Variants in GAS2 observed in about 807,000 individuals in gnomAD.
GAS2 encodes the protein growth arrest-specific protein 2.
GAS2 carries 20 observed loss-of-function variants against 37.5 expected under a neutral mutation model. The ratio of observed to expected loss-of-function variants is 0.53; its 90% CI spans 0.37 to 0.77. The LOEUF (loss-of-function observed/expected upper bound fraction) is 0.77. GAS2 is among the 30% of genes least tolerant of loss of function. The pLI is 0.00. For missense variants in GAS2, 336 were observed against 373.4 expected, an observed-to-expected ratio of 0.90 and a Z score of 0.82; for synonymous variants, 144 against 132.2, an observed-to-expected ratio of 1.09 and a Z score of -0.61.
intron 3 of GAS2, among the ~76,000 whole-genome samples, chr11:22,693,325 G>T (rs1285400186): frequency 6.6e-6 from 1 of 152,144 alleles, no homozygotes; most frequent in African/African-American, 2.4e-5. Context: ...CCAGGATATT[G>T]AGTGATAACA....
chr11:22,717,168 CA>C (rs1565106298), intron 3 of GAS2, among the ~76,000 whole-genome samples: 3 of 151,754 alleles, frequency 2.0e-5, no homozygotes, highest in Non-Finnish European at 4.4e-5. Context: ...CATATGGGAC[CA>C]AAAAAGAGCC....
At chr11:22,723,002 T>C (rs1852019106) in intron 3 of GAS2, among the ~76,000 whole-genome samples, 1 of 151,866 alleles carries the variant, frequency 6.6e-6, no homozygotes. Context: ...TTTAAATTCT[T>C]GATAAGCAGA....
chr11:22,659,208 A>C (rs1322672789), intron 1 of GAS2, among the ~76,000 whole-genome samples: 1 of 152,182 alleles, frequency 6.6e-6, no homozygotes, highest in Admixed American at 6.5e-5. Flanking sequence ...GGTAGGGAAG[A>C]TCTTTTACTA....
In GAS2 at chr11:22,768,673, A is replaced by G. The variant is rs79547715; in HGVS notation, c.723+12720A>G. On this transcript the variant is annotated intron_variant, in intron 7 of 7. Transcript: ENST00000454584. ...GCTAAACCAAACTATCCAATGTTTT[A>G]TTATTTCCTTTTCTCAGAAACTCAT... Among the ~76,000 whole-genome samples the G allele has an allele frequency of 8.1e-3, 1,238 of 152,228 alleles. 16 individuals are homozygous for G. Among genetic ancestry groups the G allele is most frequent in the East Asian group, 0.062 (319 of 5,180 alleles).
chr11:22,652,527 C>T (rs1366326853), intron 1 of GAS2, among the ~76,000 whole-genome samples: 2 of 152,246 alleles, frequency 1.3e-5, no homozygotes, highest in Non-Finnish European at 2.9e-5. Flanking sequence ...AGCCTGGCTG[C>T]CGCCTTGCAG....
chr11:22,638,603 C>T (rs528667943), intron 1 of GAS2, among the ~76,000 whole-genome samples: 24 of 152,228 alleles, frequency 1.6e-4, no homozygotes, highest in African/African-American at 5.3e-4. Flanking sequence ...GCCTCAGCCT[C>T]TCAAAGTGCT....
chr11:22,797,477 G>A lies in GAS2; in HGVS notation c.724-14321G>A, dbSNP rs187204557. ...TGGGAGATTGGTTCTCAACATCTAG[G>A]GCACTATAGTAGTTCACCCTTCAAA... On this transcript the variant is annotated intron_variant, in intron 7 of 7. Transcript: ENST00000454584. 8.8e-4 allele frequency among the ~76,000 whole-genome samples: 134 copies of A among 151,988 alleles called. 1 individual carries two copies. The highest frequency in any genetic ancestry group is 1.5e-3 in the Non-Finnish European group (103 of 67,954).
chr11:22,710,569 A>G (rs910919914), intron 3 of GAS2, among the ~76,000 whole-genome samples: 1 of 151,812 alleles, frequency 6.6e-6, no homozygotes, highest in Non-Finnish European at 1.5e-5. Context: ...TCAACTGTGG[A>G]AGAGACAGAA....
At chr11:22,655,505 T>G (rs926757988) in intron 1 of GAS2, among the ~76,000 whole-genome samples, 1 of 152,230 alleles carries the variant, frequency 6.6e-6, no homozygotes, top group Non-Finnish European at 1.5e-5. Context: ...CTTCACTGAT[T>G]CAAAAATTTG....
chr11:22,703,800 A>T (rs1850964697), intron 3 of GAS2, among the ~76,000 whole-genome samples: 1 of 152,128 alleles, frequency 6.6e-6, no homozygotes, highest in African/African-American at 2.4e-5. Context: ...TTGACTTAGC[A>T]GTTTGAAAAC....
At chr11:22,676,948 T>C (rs1849455129) in intron 2 of GAS2, among the ~76,000 whole-genome samples, 2 of 152,120 alleles carry the variant, frequency 1.3e-5, no homozygotes, top group Non-Finnish European at 2.9e-5. Flanking sequence ...ATGAGATAAT[T>C]GCCTTTAGAA....
intron 1 of GAS2, among the ~76,000 whole-genome samples, chr11:22,655,778 A>G (rs1282437887): frequency 6.6e-6 from 1 of 152,188 alleles, no homozygotes; most frequent in Non-Finnish European, 1.5e-5. Context: ...GATGTAAATA[A>G]TATTCTTCCT....
chr11:22,633,228 G>C (rs923820822), intron 1 of GAS2, among the ~76,000 whole-genome samples: 2 of 152,008 alleles, frequency 1.3e-5, no homozygotes, highest in African/African-American at 4.8e-5. Flanking sequence ...TTCAAATGTG[G>C]TTTTTCAATT....
rs536802002 is a variant in GAS2 at position 22,784,555 on chromosome 11, G to T, written c.724-27243G>T. Among the ~76,000 whole-genome samples the T allele has an allele frequency of 1.2e-3, 181 of 152,228 alleles. 1 individual carries two copies. Among genetic ancestry groups the T allele is most frequent in the African/African-American group, 4.1e-3 (171 of 41,558 alleles). On this transcript the variant is annotated intron_variant, in intron 7 of 7. Transcript: ENST00000454584. ...TGCCTTCCAGGTGATTATACGTTAA[G>T]AGCCTGGCATATAATAGTCATTGCT... is the stretch of plus-strand genomic sequence containing the variant.
rs140396298 is a variant in GAS2 at position 22,756,101 on chromosome 11, A to G, written c.723+148A>G. 62 of 596,050 alleles carry G rather than the reference A, an allele frequency of 1.0e-4. 1 individual carries two copies. Among genetic ancestry groups the G allele is most frequent in the African/African-American group, 1.0e-3 (54 of 53,704 alleles). 36.9% of individuals were successfully genotyped at this position (596,050 alleles called of 1,614,324 possible). On this transcript the variant is annotated intron_variant, in intron 7 of 7. Transcript: ENST00000454584. ...GAATTTTTTTAAAGTAACATACATT[A>G]TAATGTACTACTGAAGGCTAAATAC...
chr11:22,671,432 A>T (rs1849196171), intron 1 of GAS2, among the ~76,000 whole-genome samples: 1 of 152,130 alleles, frequency 6.6e-6, no homozygotes, highest in Non-Finnish European at 1.5e-5. Context: ...GTTACTTATC[A>T]AGCTTTTAAA....
intron 7 of GAS2, among the ~76,000 whole-genome samples, chr11:22,787,208 G>A (rs371759789): frequency 1.5e-4 from 23 of 152,212 alleles, no homozygotes; most frequent in African/African-American, 5.3e-4. Flanking sequence ...AATGTATGAC[G>A]TAAATCCAGG....
At chr11:22,679,916 C>G (rs1014275168) in intron 2 of GAS2, among the ~76,000 whole-genome samples, 2 of 152,014 alleles carry the variant, frequency 1.3e-5, no homozygotes, top group African/African-American at 4.8e-5. Flanking sequence ...TGGTAATTTT[C>G]CCTTTCTTTG....
intron 1 of GAS2, among the ~76,000 whole-genome samples, chr11:22,649,401 G>T (rs548026512): frequency 6.6e-6 from 1 of 151,820 alleles, no homozygotes; most frequent in Non-Finnish European, 1.5e-5. Flanking sequence ...GTCTCTGCCC[G>T]GCTTTGGTAT....
Sources: allele counts gnomAD v4.1 joint callset (sites outside exome capture counted in the v4.1 genomes callset), GRCh38; gene constraint gnomAD v4.1.1; transcripts MANE v1.5; gene names NCBI Gene and HGNC (gene_info 2026-07-23, HGNC 2026-07-21).